The following ELOVL6 variants were observed in gnomAD, a reference collection of about 807,000 sequenced individuals.
The protein encoded by ELOVL6 is ELOVL fatty acid elongase 6.
A neutral mutation model predicts 31.7 loss-of-function variants in ELOVL6; 8 were observed. The ratio of observed to expected loss-of-function variants is 0.25; its 90% confidence interval spans 0.15 to 0.45. The LOEUF (loss-of-function observed/expected upper bound fraction) is 0.45, where lower values mean the gene tolerates loss of function less well. ELOVL6 is among the 20% of genes least tolerant of loss of function. ELOVL6 has a pLI of 1.00. For missense variants in ELOVL6, 126 were observed against 326.4 expected (o/e 0.39, Z 4.73); for synonymous variants, 101 against 117.7 (o/e 0.86, Z 0.92).
At chr4:110,190,666 G>A (rs956270130) in intron 1 of ELOVL6, among the ~76,000 whole-genome samples, 5 of 151,870 alleles carry the variant, frequency 3.3e-5, no homozygotes, top group East Asian at 1.9e-4. Flanking sequence ...CACCACGCCC[G>A]GCTAATTTTT....
chr4:110,053,797 G>C (rs1362046461), intron 3 of ELOVL6, among the ~76,000 whole-genome samples: 1 of 152,188 alleles, frequency 6.6e-6, no homozygotes, highest in Admixed American at 6.5e-5. Flanking sequence ...AAAATATCCA[G>C]GTGTGGTGGT....
At chr4:110,178,587 T>A (rs1266556980) in intron 1 of ELOVL6, among the ~76,000 whole-genome samples, 1 of 149,422 alleles carries the variant, frequency 6.7e-6, no homozygotes, top group Non-Finnish European at 1.5e-5. Context: ...CCAGACGCGG[T>A]GGCTCACACC....
intron 1 of ELOVL6, among the ~76,000 whole-genome samples, chr4:110,192,275 T>A (rs1208561256): frequency 5.3e-5 from 8 of 151,824 alleles, no homozygotes; most frequent in Admixed American, 6.6e-5. Flanking sequence ...CTCTTAGATA[T>A]GGAATAAGTT....
intron 2 of ELOVL6, among the ~76,000 whole-genome samples, chr4:110,062,248 A>T (rs373777649): frequency 5.9e-5 from 9 of 152,228 alleles, no homozygotes; most frequent in South Asian, 2.1e-4. Flanking sequence ...CAGCAAGTGT[A>T]TAGCACATAT....
At chr4:110,153,543 T>C (rs147512002) in intron 1 of ELOVL6, among the ~76,000 whole-genome samples, 4,050 of 152,288 alleles carry the variant, frequency 0.027, 72 homozygotes, top group Middle Eastern at 0.054. Context: ...GGTGATCAGC[T>C]GAAAATGCCA....
intron 1 of ELOVL6, among the ~76,000 whole-genome samples, chr4:110,119,115 A>G (rs1757270744): frequency 6.6e-6 from 1 of 152,190 alleles, no homozygotes; most frequent in Non-Finnish European, 1.5e-5. Flanking sequence ...CTCTATTTTC[A>G]GAAGTATTGG....
intron 2 of ELOVL6, among the ~76,000 whole-genome samples, chr4:110,085,129 A>G (rs547105399): frequency 6.6e-6 from 1 of 152,288 alleles, no homozygotes; most frequent in Admixed American, 6.5e-5. Context: ...AGAAAATGCA[A>G]ACTGATATGA....
chr4:110,145,674 T>C (rs1758083754), intron 1 of ELOVL6, among the ~76,000 whole-genome samples: 1 of 148,244 alleles, frequency 6.7e-6, no homozygotes, highest in Non-Finnish European at 1.5e-5. Context: ...AATACCTCAC[T>C]CCTTCCTTAG....
chr4:110,118,240 G>A (rs1757245150), intron 1 of ELOVL6, among the ~76,000 whole-genome samples: 1 of 151,784 alleles, frequency 6.6e-6, no homozygotes, highest in African/African-American at 2.4e-5. Flanking sequence ...TTACAGGTGT[G>A]AGCCACTGCG....
At chr4:110,178,322 CG>C (rs1244152348) in intron 1 of ELOVL6, among the ~76,000 whole-genome samples, 1 of 151,900 alleles carries the variant, frequency 6.6e-6, no homozygotes, top group Non-Finnish European at 1.5e-5. Flanking sequence ...CCAAGGTGGG[CG>C]GATCTTGAGG....
At chr4:110,073,567 C>T (rs1222501058) in intron 2 of ELOVL6, among the ~76,000 whole-genome samples, 5 of 152,212 alleles carry the variant, frequency 3.3e-5, no homozygotes, top group Non-Finnish European at 5.9e-5. Flanking sequence ...GATTCCCAGA[C>T]TACTGAATTT....
intron 2 of ELOVL6, among the ~76,000 whole-genome samples, chr4:110,095,159 G>A (rs961543420): frequency 2.0e-5 from 3 of 152,154 alleles, no homozygotes; most frequent in African/African-American, 7.2e-5. Context: ...AGGAAGAATG[G>A]AGAAAGAGTA....
At chr4:110,089,804 A>G (rs1202319797) in intron 2 of ELOVL6, among the ~76,000 whole-genome samples, 2 of 152,192 alleles carry the variant, frequency 1.3e-5, no homozygotes, top group Non-Finnish European at 2.9e-5. Context: ...TCCAACGGAA[A>G]GACCTCAGGG....
intron 2 of ELOVL6, among the ~76,000 whole-genome samples, chr4:110,083,166 C>T (rs892719289): frequency 1.3e-5 from 2 of 151,656 alleles, no homozygotes; most frequent in Admixed American, 1.3e-4. Context: ...TTCACAAAAC[C>T]CATATTCTAG....
At chr4:110,123,782 A>T (rs1216556989) in intron 1 of ELOVL6, among the ~76,000 whole-genome samples, 1 of 152,210 alleles carries the variant, frequency 6.6e-6, no homozygotes, top group African/African-American at 2.4e-5. Flanking sequence ...AATTCAACAT[A>T]TTGAGATGTC....
At chr4:110,095,409 G>A (rs1296826351) in intron 2 of ELOVL6, among the ~76,000 whole-genome samples, 1 of 151,242 alleles carries the variant, frequency 6.6e-6, no homozygotes, top group Non-Finnish European at 1.5e-5. Flanking sequence ...TTGAACCCAG[G>A]AGAAAGAGGT....
rs996916584 is a variant in ELOVL6 at position 110,046,886 on chromosome 4, A to T, written c.*4452T>A. On this transcript the variant is annotated 3_prime_UTR_variant, in exon 4 of 4. Transcript: ENST00000302274. ...TCAGCTCTCACTTTAATGTGTATAC[A>T]CTACTGGCCAAATGTGGTGGTGGAT... 1.3e-5 allele frequency: 2 copies of T among 152,206 alleles called. No homozygotes were observed. Among genetic ancestry groups the T allele is most frequent in the Admixed American group, 1.3e-4 (2 of 15,282 alleles). 9.4% of individuals were successfully genotyped at this position (152,206 alleles called of 1,614,324 possible).
chr4:110,093,148 A>ATAT, intron 2 of ELOVL6: 1 of 447,186 alleles, frequency 2.2e-6, no homozygotes, highest in Middle Eastern at 3.3e-4. Context: ...TAATGCAAAG[A>ATAT]TATTACAGAA....
At chr4:110,193,560 TGC>T (rs768927983) in intron 1 of ELOVL6, among the ~76,000 whole-genome samples, 8 of 152,094 alleles carry the variant, frequency 5.3e-5, no homozygotes, top group Admixed American at 1.3e-4. Context: ...GCCAAGATTG[TGC>T]CACTGCACTC....
Sources: gnomAD v4.1 joint callset for allele counts (sites outside exome capture counted in the v4.1 genomes callset) on GRCh38, gnomAD v4.1.1 for gene constraint, MANE v1.5 for transcripts, NCBI Gene and HGNC (gene_info 2026-07-23, HGNC 2026-07-21) for gene names.